Variants in ADGRL2 observed in about 807,000 individuals in gnomAD.
ADGRL2 encodes the protein calcium-independent alpha-latrotoxin receptor 2.
A neutral mutation model predicts 157.4 loss-of-function variants in ADGRL2; 44 were observed. The observed-to-expected ratio is 0.28, with a 90% CI of 0.22 to 0.36. ADGRL2 has a LOEUF of 0.36. Among genes scored for constraint, ADGRL2 ranks in the 10% least tolerant of loss-of-function variants. The probability of loss-of-function intolerance (pLI) is 1.00; values close to 1 mark genes in which losing one functional copy is unlikely to be tolerated. For synonymous variants in ADGRL2, 585 were observed against 624.7 expected (o/e 0.94, Z 0.95); for missense variants, 1,510 against 1,768.9 (o/e 0.85, Z 2.63).
intron 2 of ADGRL2, among the ~76,000 whole-genome samples, chr1:81,552,525 G>T (rs2080171925): frequency 6.9e-6 from 1 of 145,002 alleles, no homozygotes; most frequent in African/African-American, 2.6e-5. Context: ...ATAAATGTTA[G>T]TCTTTAAAAT....
chr1:81,400,473 G>C (rs1301014060), intron 1 of ADGRL2, among the ~76,000 whole-genome samples: 1 of 152,132 alleles, frequency 6.6e-6, no homozygotes, highest in Non-Finnish European at 1.5e-5. Context: ...GGGAGACTGG[G>C]AACAGTACTG....
chr1:81,965,746 T>A (rs1656857243), intron 11 of ADGRL2, among the ~76,000 whole-genome samples: 1 of 152,222 alleles, frequency 6.6e-6, no homozygotes, highest in African/African-American at 2.4e-5. Context: ...TTGAAAGTTA[T>A]GTACTATTAA....
chr1:81,831,039 A>G (rs542638082), intron 1 of ADGRL2, among the ~76,000 whole-genome samples: 167 of 152,342 alleles, frequency 1.1e-3, no homozygotes, highest in African/African-American at 3.9e-3. Flanking sequence ...TGAGCCAAAC[A>G]TAAGATTGCA....
chr1:81,807,102 A>T (rs945760433), intron 1 of ADGRL2, among the ~76,000 whole-genome samples: 2 of 152,020 alleles, frequency 1.3e-5, no homozygotes, highest in African/African-American at 2.4e-5. Context: ...GCCTAGCTAA[A>T]AACTTTTCAA....
chr1:81,706,058 G>A (rs2083725011), intron 1 of ADGRL2, among the ~76,000 whole-genome samples: 1 of 152,074 alleles, frequency 6.6e-6, no homozygotes, highest in Non-Finnish European at 1.5e-5. Context: ...AATTAGCTGG[G>A]CGTGGTCATG....
At chr1:81,477,821 A>G (rs2078303698) in intron 2 of ADGRL2, among the ~76,000 whole-genome samples, 1 of 152,210 alleles carries the variant, frequency 6.6e-6, no homozygotes, top group East Asian at 1.9e-4. Context: ...CAGCTGCTTC[A>G]GGTCGTGTTG....
chr1:81,468,783 G>A (rs78204767), intron 2 of ADGRL2, among the ~76,000 whole-genome samples: 7,099 of 152,146 alleles, frequency 0.047, 225 homozygotes, highest in Admixed American at 0.089. Context: ...CATCAACCTA[G>A]CATTTTTCAT....
intron 10 of ADGRL2, among the ~76,000 whole-genome samples, chr1:81,955,310 G>C (rs1036528462): frequency 8.6e-5 from 13 of 151,072 alleles, no homozygotes; most frequent in African/African-American, 2.7e-4. Context: ...AATGTTCACA[G>C]ATAAATTATG....
chr1:81,728,562 C>G (rs568923061), intron 1 of ADGRL2, among the ~76,000 whole-genome samples: 6 of 152,202 alleles, frequency 3.9e-5, no homozygotes, highest in African/African-American at 1.4e-4. Context: ...TACATAAGCA[C>G]AATCGAAGTT....
intron 11 of ADGRL2, among the ~76,000 whole-genome samples, chr1:81,964,145 G>A (rs1395322626): frequency 1.3e-5 from 2 of 151,724 alleles, no homozygotes; most frequent in Middle Eastern, 3.2e-3. Context: ...TTTCTTTACT[G>A]TGAACATTAT....
intron 1 of ADGRL2, chr1:81,721,803 G>A: frequency 1.7e-6 from 2 of 1,192,196 alleles, no homozygotes; most frequent in East Asian, 2.3e-5. Flanking sequence ...GTGGGAGCAG[G>A]CGGTAAAGTA....
chr1:81,969,044 T>C (rs998359092), intron 14 of ADGRL2, 134 bp from the exon 15 acceptor site: 1 of 656,090 alleles, frequency 1.5e-6, no homozygotes, highest in Non-Finnish European at 2.6e-6. Flanking sequence ...GTATTGAGCC[T>C]TTTTTGAACA....
intron 1 of ADGRL2, among the ~76,000 whole-genome samples, chr1:81,375,964 T>C (rs2076241450): frequency 6.6e-6 from 1 of 152,196 alleles, no homozygotes; most frequent in Non-Finnish European, 1.5e-5. Flanking sequence ...TTACTAACTT[T>C]AATAAAATTA....
intron 3 of ADGRL2, among the ~76,000 whole-genome samples, chr1:81,581,132 G>T (rs1047892058): frequency 6.6e-6 from 1 of 151,994 alleles, no homozygotes; most frequent in Non-Finnish European, 1.5e-5. Flanking sequence ...TTCTGTAGAG[G>T]GTTGATACTT....
chr1:81,428,403 A>G (rs2077258407), intron 1 of ADGRL2, among the ~76,000 whole-genome samples: 1 of 152,234 alleles, frequency 6.6e-6, no homozygotes. Flanking sequence ...CAGGTGCAAA[A>G]GGAACTTTCC....
At chr1:81,661,209 T>C (rs955589939) in intron 3 of ADGRL2, among the ~76,000 whole-genome samples, 1 of 152,130 alleles carries the variant, frequency 6.6e-6, no homozygotes, top group African/African-American at 2.4e-5. Context: ...ATCTTTATTG[T>C]GCCCCTAGGA....
At chr1:81,646,308 T>C (rs747545302) in intron 3 of ADGRL2, among the ~76,000 whole-genome samples, 38 of 152,282 alleles carry the variant, frequency 2.5e-4, no homozygotes, top group Middle Eastern at 6.8e-3. Context: ...AATAATCATA[T>C]AAGAGAAAAA....
chr1:81,744,768 GA>G (rs2085188724), intron 1 of ADGRL2, among the ~76,000 whole-genome samples: 1 of 152,100 alleles, frequency 6.6e-6, no homozygotes, highest in South Asian at 2.1e-4. Flanking sequence ...CAGACAACTG[GA>G]TGTCCGTATT....
intron 2 of ADGRL2, among the ~76,000 whole-genome samples, chr1:81,905,698 TA>T (rs1337497083): frequency 1.3e-5 from 2 of 152,224 alleles, no homozygotes; most frequent in Non-Finnish European, 2.9e-5. Flanking sequence ...CATTTTCTAA[TA>T]ATAGATTTAT....
Sources: gnomAD v4.1 joint callset for allele counts (sites outside exome capture counted in the v4.1 genomes callset) on GRCh38, gnomAD v4.1.1 for gene constraint, MANE v1.5 for transcripts, NCBI Gene and HGNC (gene_info 2026-07-23, HGNC 2026-07-21) for gene names.